ANKRD44: variants seen among roughly 807,000 people sequenced by gnomAD.
The protein encoded by ANKRD44 is serine/threonine-protein phosphatase 6 regulatory ankyrin repeat subunit B.
In ANKRD44, 35 loss-of-function variants were observed where a neutral mutation model predicts 116.0. The observed-to-expected ratio is 0.30, with a 90% CI of 0.23 to 0.40. The LOEUF (loss-of-function observed/expected upper bound fraction) is 0.40, where lower values mean the gene tolerates loss of function less well. Among genes scored for constraint, ANKRD44 ranks in the 10% least tolerant of loss-of-function variants. ANKRD44 has a pLI of 1.00. For synonymous variants in ANKRD44, 435 were observed against 461.8 expected (o/e 0.94, Z 0.74); for missense variants, 1,014 against 1,242.6 (o/e 0.82, Z 2.77).
At chr2:196,967,113 G>C (rs940605850) in exon 22 of ANKRD44, 1 of 169,826 alleles carries the variant, frequency 5.9e-6, no homozygotes, top group African/African-American at 2.4e-5. Flanking sequence ...ATTTGTGTTC[G>C]TATAACACTT....
chr2:197,015,360 G>T, intron 17 of ANKRD44: 1 of 561,892 alleles, frequency 1.8e-6, no homozygotes, highest in South Asian at 1.7e-5. Context: ...AGTTATGGAA[G>T]ACAGGCAGAT....
intron 1 of ANKRD44, among the ~76,000 whole-genome samples, chr2:197,259,139 T>C (rs775774609): frequency 2.6e-5 from 4 of 152,132 alleles, no homozygotes; most frequent in Non-Finnish European, 5.9e-5. Flanking sequence ...GGCAATAATG[T>C]AAGTTTTTAT....
In ANKRD44 at chr2:196,987,947, G is replaced by T. The variant is rs191427127; in HGVS notation, c.*1644C>A. ...AAAGTCATTTCTTTAAAAAAATTTTGCCTTGGGGTATGGGAGAAAGAGAAA... is the reference window on the plus strand; with the variant it reads ...AAAGTCATTTCTTTAAAAAAATTTTTCCTTGGGGTATGGGAGAAAGAGAAA... On this transcript the variant is annotated 3_prime_UTR_variant, in exon 28 of 28. Coordinates refer to ENST00000282272, the MANE Select transcript of ANKRD44 (RefSeq NM_001195144.2). 14 of 984,932 alleles carry T rather than the reference G, an allele frequency of 1.4e-5. No homozygotes were observed. The highest frequency in any genetic ancestry group is 5.2e-4 in the Middle Eastern group (1 of 1,912). The allele number at this position is 984,932 out of a possible 1,614,324, so 61.0% of individuals were successfully genotyped here.
rs6715936 is a variant in ANKRD44, at chr2:197,283,846, C to G, written c.27+26732G>C. 6.0e-3 allele frequency among the ~76,000 whole-genome samples: 917 copies of G among 152,028 alleles called. 8 individuals are homozygous for G. The highest frequency in any genetic ancestry group is 9.2e-3 in the Non-Finnish European group (622 of 67,978). ...TCTATGTTAGGCTTGAGTAGTCTAG[C>G]GCAATGTCTGATAAAGGAGGGGTTT... On this transcript the variant is annotated intron_variant, in intron 1 of 27. Transcript: ENST00000282272.
chr2:197,139,008 A>G (rs1286456208), intron 3 of ANKRD44, among the ~76,000 whole-genome samples: 5 of 152,208 alleles, frequency 3.3e-5, no homozygotes, highest in Non-Finnish European at 1.5e-5. Flanking sequence ...AAATAGGTAA[A>G]AATGATAAAG....
intron 2 of ANKRD44, among the ~76,000 whole-genome samples, chr2:197,172,996 C>G (rs2080278968): frequency 6.6e-6 from 1 of 152,146 alleles, no homozygotes; most frequent in African/African-American, 2.4e-5. Flanking sequence ...GCTGTCTGCC[C>G]TATATGTTTT....
At chr2:197,089,270 T>A (rs921270625) in intron 11 of ANKRD44, among the ~76,000 whole-genome samples, 1 of 152,042 alleles carries the variant, frequency 6.6e-6, no homozygotes, top group Non-Finnish European at 1.5e-5. Context: ...ATAGGTAAAG[T>A]ACTTAAAGGA....
At chr2:197,080,622 G>A (rs2077771531) in intron 15 of ANKRD44, among the ~76,000 whole-genome samples, 1 of 152,120 alleles carries the variant, frequency 6.6e-6, no homozygotes, top group Non-Finnish European at 1.5e-5. Flanking sequence ...CAAAACTCTG[G>A]TCATTCTATT....
intron 8 of ANKRD44, among the ~76,000 whole-genome samples, chr2:197,113,384 G>A (rs2078634727): frequency 6.6e-6 from 1 of 152,240 alleles, no homozygotes; most frequent in Non-Finnish European, 1.5e-5. Context: ...AAATTGTGGA[G>A]TTGGCATTAA....
At chr2:197,000,271 T>C (rs2076090747) in intron 23 of ANKRD44, 148 bp downstream of exon 23, 1 of 635,620 alleles carries the variant, frequency 1.6e-6, no homozygotes, top group African/African-American at 1.8e-5. Context: ...GAGGGAAATT[T>C]ATTTTAATTA....
intron 1 of ANKRD44, among the ~76,000 whole-genome samples, chr2:197,210,681 G>A (rs1488979362): frequency 1.4e-5 from 2 of 147,294 alleles, no homozygotes; most frequent in Non-Finnish European, 1.5e-5. Flanking sequence ...GGAACATCTT[G>A]TCTTGGAGAG....
chr2:197,148,512 T>A (rs2079562223), intron 2 of ANKRD44, among the ~76,000 whole-genome samples: 1 of 152,240 alleles, frequency 6.6e-6, no homozygotes, highest in Admixed American at 6.5e-5. Flanking sequence ...AATTTGATTA[T>A]ATAATACATC....
At chr2:197,243,533 G>A (rs570039094) in intron 1 of ANKRD44, among the ~76,000 whole-genome samples, 1 of 152,278 alleles carries the variant, frequency 6.6e-6, no homozygotes, top group East Asian at 1.9e-4. Flanking sequence ...AACCTGTAGA[G>A]GACTATCTTA....
intron 26 of ANKRD44, 32 bp downstream of exon 26, chr2:196,995,347 G>A: frequency 1.3e-6 from 2 of 1,505,394 alleles, no homozygotes; most frequent in South Asian, 1.2e-5. Flanking sequence ...TATGACCCTG[G>A]GTTCAAGTCC....
At chr2:196,986,406 AAAAAC>A (rs57186025), downstream of ANKRD44, among the ~76,000 whole-genome samples, 29 of 152,050 alleles carry the variant, frequency 1.9e-4, no homozygotes, top group East Asian at 5.8e-4. Flanking sequence ...CAGAGCAGAA[AAAAAC>A]AAAACAAAAC....
intron 16 of ANKRD44, among the ~76,000 whole-genome samples, chr2:197,048,986 T>C (rs567245505): frequency 6.6e-6 from 1 of 152,362 alleles, no homozygotes; most frequent in South Asian, 2.1e-4. Flanking sequence ...ATGTCTTCTT[T>C]GGAGAAGTGT....
At chr2:196,989,713 C>G in intron 27 of ANKRD44, 64 bp from the exon 28 acceptor site, 1 of 1,544,102 alleles carries the variant, frequency 6.5e-7, no homozygotes, top group South Asian at 1.2e-5. Flanking sequence ...AACTGGCAAT[C>G]GGTTTTACAT....
chr2:197,121,498 C>G lies in ANKRD44; in HGVS notation c.740G>C (p.Cys247Ser). 1 of 1,614,216 alleles carries G rather than the reference C, an allele frequency of 6.2e-7. No individual in the cohort carries two copies. The highest frequency in any genetic ancestry group is 1.1e-5 in the South Asian group (1 of 91,090). Residue 247 changes from cysteine to serine, a missense_variant, in exon 8 of 28, where the codon TGC becomes TCC. By Grantham distance (112) the Cys-to-Ser change is moderately radical (BLOSUM62 -1). Coordinates refer to ENST00000282272, the MANE Select transcript of ANKRD44 (RefSeq NM_001195144.2). ...VYGNTALHIA[C>S]YNGQDAVVNE... ...AACCACAGCATCCTGTCCATTGTAG[C>G]AGGCGATGTGAAGCGCTGTATTTCC...
At chr2:196,974,028 C>A (rs779888996) in intron 21 of ANKRD44, among the ~76,000 whole-genome samples, 1 of 151,574 alleles carries the variant, frequency 6.6e-6, no homozygotes, top group African/African-American at 2.4e-5. Context: ...GAAATCAGTA[C>A]GAGATGGAAA....
Sources: gnomAD v4.1 joint callset for allele counts (sites outside exome capture counted in the v4.1 genomes callset) on GRCh38, gnomAD v4.1.1 for gene constraint, MANE v1.5 for transcripts, NCBI Gene and HGNC (gene_info 2026-07-23, HGNC 2026-07-21) for gene names.